GPBP1L1: variants seen among roughly 807,000 people sequenced by gnomAD.
GPBP1L1 encodes vasculin-like protein 1.
Under a neutral mutation model 52.5 loss-of-function variants are expected in GPBP1L1, and 23 were observed. The observed-to-expected ratio is 0.44, with a 90% CI of 0.32 to 0.62. The LOEUF is 0.62. Ranked by LOEUF, GPBP1L1 falls within the 20% of genes least tolerant of loss-of-function variation. GPBP1L1 has a pLI of 0.06. For synonymous variants in GPBP1L1, 243 were observed against 203.1 expected (o/e 1.20, Z -1.67); for missense variants, 596 against 579.3 (o/e 1.03, Z -0.30).
chr1:45,630,857 T>C, intron 10 of GPBP1L1: 1 of 443,916 alleles, frequency 2.3e-6, no homozygotes, highest in South Asian at 2.3e-5. Flanking sequence ...GTACTGATAT[T>C]ACCTGACATC....
At chr1:45,630,255 G>T (rs1407088824) in intron 11 of GPBP1L1, among the ~76,000 whole-genome samples, 2 of 152,136 alleles carry the variant, frequency 1.3e-5, no homozygotes, top group East Asian at 3.9e-4. Flanking sequence ...CCGGCCTGAA[G>T]TTAAAAGTAT....
intron 8 of GPBP1L1, among the ~76,000 whole-genome samples, chr1:45,638,993 A>G (rs899671702): frequency 6.6e-6 from 1 of 152,208 alleles, no homozygotes; most frequent in Admixed American, 6.5e-5. Flanking sequence ...AATCTTGACC[A>G]AGGCATTTCT....
chr1:45,653,814 T>G (rs1486927346), intron 6 of GPBP1L1, among the ~76,000 whole-genome samples: 7 of 151,378 alleles, frequency 4.6e-5, no homozygotes, highest in Non-Finnish European at 1.0e-4. Flanking sequence ...TTCTCCTGCC[T>G]CAGCCTCCTG....
chr1:45,678,519 G>C (rs1490735741), intron 2 of GPBP1L1, among the ~76,000 whole-genome samples: 1 of 152,048 alleles, frequency 6.6e-6, no homozygotes, highest in African/African-American at 2.4e-5. Flanking sequence ...CTGTATTTTA[G>C]TCAACAATGT....
Position 45,686,491 on chromosome 1 carries a change from G to T in GPBP1L1, c.-1222C>A, listed in dbSNP as rs1182153126. On this transcript the variant is annotated 5_prime_UTR_variant, in exon 1 of 13. Coordinates refer to ENST00000355105, the MANE Select transcript of GPBP1L1 (RefSeq NM_021639.5). ...CCCAGCTTGTCGACCCGGCAGAGGCGGCTAGTCCACAACCATAACAAAGCT... is the reference window on the plus strand; with the variant it reads ...CCCAGCTTGTCGACCCGGCAGAGGCTGCTAGTCCACAACCATAACAAAGCT... The T allele has an allele frequency of 1.3e-5, 2 of 152,344 alleles. No homozygotes were observed. The highest frequency in any genetic ancestry group is 2.9e-5 in the Non-Finnish European group (2 of 68,146). 9.4% of individuals were successfully genotyped at this position (152,344 alleles called of 1,614,324 possible). A position where few individuals can be genotyped will look rare whatever the true frequency, so the allele number is the denominator to read the frequency against.
rs758366094 is a variant in GPBP1L1, at chr1:45,642,441, G to A, written c.536C>T (p.Pro179Leu). ...AATCTACCTACCCCATACTCCAGAA[G>A]GTGTCCCAATAGGTCTGCATGGCTG... Reference protein sequence around the residue: ...QHQPCRPIGTPSGVWENPPSA... With the variant: ...QHQPCRPIGTLSGVWENPPSA... Residue 179 changes from proline to leucine, a missense_variant, in exon 7 of 13, where the codon CCT (proline) becomes CTT (leucine). Pro to Leu is a moderately conservative substitution (Grantham distance 98). Coordinates refer to ENST00000355105, the MANE Select transcript of GPBP1L1 (RefSeq NM_021639.5). 6.2e-6 allele frequency: 10 copies of A among 1,613,518 alleles called. No individual in the cohort carries two copies. Among genetic ancestry groups the A allele is most frequent in the South Asian group, 1.1e-5 (1 of 91,054 alleles).
At chr1:45,687,119 C>T (rs1417273767), upstream of GPBP1L1, 1 of 152,252 alleles carries the variant, frequency 6.6e-6, no homozygotes, top group African/African-American at 2.4e-5. Context: ...CACGGCCTGG[C>T]CCCGGAGGCT....
intron 2 of GPBP1L1, among the ~76,000 whole-genome samples, chr1:45,661,430 A>G (rs1159395185): frequency 1.3e-5 from 2 of 152,046 alleles, no homozygotes; most frequent in Non-Finnish European, 2.9e-5. Context: ...TAAGGATTTG[A>G]GAAAAGTCAT....
intron 2 of GPBP1L1, among the ~76,000 whole-genome samples, chr1:45,663,854 TA>T (rs1159304794): frequency 6.6e-6 from 1 of 152,208 alleles, no homozygotes; most frequent in East Asian, 1.9e-4. Flanking sequence ...TGATGTCTTT[TA>T]GGGCTGTGGC....
At chr1:45,659,256 C>T in intron 3 of GPBP1L1, 114 bp from the exon 4 acceptor site, 1 of 636,884 alleles carries the variant, frequency 1.6e-6, no homozygotes. Flanking sequence ...CCCTCTGAGC[C>T]TGTCTACAGA....
chr1:45,673,070 A>G (rs1302427938), intron 2 of GPBP1L1, among the ~76,000 whole-genome samples: 1 of 152,206 alleles, frequency 6.6e-6, no homozygotes, highest in Non-Finnish European at 1.5e-5. Flanking sequence ...AACCCAGTAG[A>G]AAAAGAAAAC....
intron 2 of GPBP1L1, among the ~76,000 whole-genome samples, chr1:45,661,786 ATC>A (rs1644950240): frequency 6.6e-6 from 1 of 152,080 alleles, no homozygotes; most frequent in South Asian, 2.1e-4. Flanking sequence ...AGCACATGTA[ATC>A]TCAACACTTT....
At chr1:45,647,412 G>A (rs572705506) in intron 6 of GPBP1L1, among the ~76,000 whole-genome samples, 1 of 152,258 alleles carries the variant, frequency 6.6e-6, no homozygotes, top group South Asian at 2.1e-4. Flanking sequence ...TGTTCTGGAA[G>A]GGTATAGTGG....
intron 7 of GPBP1L1, 105 bp downstream of exon 7, chr1:45,642,322 A>G: frequency 1.3e-6 from 1 of 798,568 alleles, no homozygotes; most frequent in Non-Finnish European, 2.2e-6. Context: ...GGGCAAATGC[A>G]TGAGATGAGA....
chr1:45,640,792 T>G (rs1644661863), intron 7 of GPBP1L1, among the ~76,000 whole-genome samples: 2 of 152,058 alleles, frequency 1.3e-5, no homozygotes, highest in African/African-American at 4.8e-5. Context: ...GCAGATCACT[T>G]GAGTCCCAAG....
intron 6 of GPBP1L1, among the ~76,000 whole-genome samples, chr1:45,643,710 CCCAGGTTGGAGTACAGTGGCACAAT>C (rs1644704585): frequency 8.0e-6 from 1 of 125,448 alleles, no homozygotes; most frequent in Non-Finnish European, 1.6e-5. Flanking sequence ...CACTCTGTTG[CCCAGGTTGGAGTACAGTGGCACAAT>C]CCTGGCTCAT....
intron 6 of GPBP1L1, among the ~76,000 whole-genome samples, chr1:45,652,918 G>C (rs890327283): frequency 6.6e-6 from 1 of 152,062 alleles, no homozygotes; most frequent in Non-Finnish European, 1.5e-5. Flanking sequence ...GTCTTTCTTG[G>C]ATTTGCTTGT....
chr1:45,665,504 A>C (rs1468189200), intron 2 of GPBP1L1, among the ~76,000 whole-genome samples: 1 of 152,072 alleles, frequency 6.6e-6, no homozygotes, highest in Non-Finnish European at 1.5e-5. Flanking sequence ...TAATCCCAGC[A>C]CTTTGAGAGT....
chr1:45,628,243 A>G lies in GPBP1L1; in HGVS notation c.*13T>C. 6.2e-7 allele frequency: 1 copy of G among 1,612,932 alleles called. No homozygotes were observed. Among genetic ancestry groups the G allele is most frequent in the Non-Finnish European group, 8.5e-7 (1 of 1,179,244 alleles). Reference sequence around the variant, plus strand: ...GTTTACTGGGTCAGATTTAACTGTGAGCATTTATATGCCTACTTCCAGGCA... The same window carrying G: ...GTTTACTGGGTCAGATTTAACTGTGGGCATTTATATGCCTACTTCCAGGCA... On this transcript the variant is annotated 3_prime_UTR_variant, in exon 13 of 13. Coordinates refer to ENST00000355105, the MANE Select transcript of GPBP1L1 (RefSeq NM_021639.5).
Sources: allele counts gnomAD v4.1 joint callset (sites outside exome capture counted in the v4.1 genomes callset), GRCh38; gene constraint gnomAD v4.1.1; transcripts MANE v1.5; gene names NCBI Gene and HGNC (gene_info 2026-07-23, HGNC 2026-07-21).